PLA2G6: variants seen among roughly 807,000 people sequenced by gnomAD.
PLA2G6 encodes the protein phospholipase A2 group VI, also known as 85/88 kDa calcium-independent phospholipase A2.
PLA2G6 carries 62 observed loss-of-function variants against 83.8 expected under a neutral mutation model. The observed-to-expected ratio is 0.74, with a 90% CI of 0.60 to 0.91. PLA2G6 has a LOEUF of 0.91. Ranked by LOEUF, PLA2G6 falls within the 40% of genes least tolerant of loss-of-function variation. The pLI is 0.00. For synonymous variants in PLA2G6, 417 were observed against 449.8 expected, an observed-to-expected ratio of 0.93 and a Z score of 0.92; for missense variants, 944 against 1,102.0, an observed-to-expected ratio of 0.86 and a Z score of 2.03.
chr22:38,141,539 G>A (rs2088902209), intron 4 of PLA2G6: 1 of 152,172 alleles, frequency 6.6e-6, no homozygotes, highest in Non-Finnish European at 1.5e-5. Context: ...CGAGGCCAAT[G>A]TAAGGTCAAG....
intron 2 of PLA2G6, among the ~76,000 whole-genome samples, chr22:38,160,201 C>T (rs759458739): frequency 1.2e-4 from 19 of 152,060 alleles, no homozygotes; most frequent in Non-Finnish European, 2.4e-4. Context: ...ACTAGACACC[C>T]GACAGAATGA....
chr22:38,112,824 A>T (rs1340574084), intron 15 of PLA2G6: 1 of 591,482 alleles, frequency 1.7e-6, no homozygotes, highest in Non-Finnish European at 3.0e-6. Flanking sequence ...TGAGTGGGGG[A>T]AAGGGTAGCG....
chr22:38,174,698 G>T (rs1339278432), intron 1 of PLA2G6, among the ~76,000 whole-genome samples: 1 of 152,206 alleles, frequency 6.6e-6, no homozygotes, highest in East Asian at 1.9e-4. Flanking sequence ...GAACACGGAG[G>T]AAGGCAGAGA....
intron 12 of PLA2G6, among the ~76,000 whole-genome samples, chr22:38,118,749 TTTTG>T (rs1186410641): frequency 8.1e-6 from 1 of 123,520 alleles, no homozygotes; most frequent in African/African-American, 2.8e-5. Flanking sequence ...GTTTGTTTGT[TTTTG>T]TTTTTTTTTT....
intron 2 of PLA2G6, among the ~76,000 whole-genome samples, chr22:38,165,740 C>T (rs979445587): frequency 1.3e-5 from 2 of 152,020 alleles, no homozygotes; most frequent in South Asian, 2.1e-4. Context: ...ATTAACTGGG[C>T]GTGGTGGCGG....
Position 38,120,830 on chromosome 22 carries a change from C to T in PLA2G6, c.1671G>A (p.Ser557=), listed in dbSNP as rs747491292. Residue 557 remains serine, a synonymous_variant, in exon 12 of 17, where the codon TCG becomes TCA. Coordinates refer to ENST00000332509, the MANE Select transcript of PLA2G6 (RefSeq NM_003560.4). ...EVFRGSRPYE[S]GPLEEFLKRE... ...GCTTCAGGAACTCCTCCAGGGGCCCCGACTCGTAGGGCCTGGAGCCCCGGA... is the reference window on the plus strand; with the variant it reads ...GCTTCAGGAACTCCTCCAGGGGCCCTGACTCGTAGGGCCTGGAGCCCCGGA... 13 of 1,613,802 alleles carry T rather than the reference C, an allele frequency of 8.1e-6. No individual in the cohort carries two copies. The highest frequency in any genetic ancestry group is 1.3e-5 in the African/African-American group (1 of 74,940).
chr22:38,128,393 G>A lies in PLA2G6; in HGVS notation c.1224C>T (p.Thr408=), dbSNP rs1284512372. 6.2e-6 allele frequency: 10 copies of A among 1,614,076 alleles called. No homozygotes were observed. The highest frequency in any genetic ancestry group is 1.7e-5 in the Admixed American group (1 of 60,020). The stretch of plus-strand genomic sequence containing the variant: ...GTGGGAAGCAGTATTCGGCCCCCAC[G>A]GTTCTCAGCAGAGTCAAGATCGCCT... ...TRKAILTLLR[T]VGAEYCFPPI... The change falls in exon 9 of 17, where the codon ACC becomes ACT. Residue 408 remains threonine (T), a synonymous_variant. Coordinates refer to ENST00000332509, the MANE Select transcript of PLA2G6 (RefSeq NM_003560.4). This position sits in a 1 kb window ranked among gnomAD's most constrained non-coding sequence, Gnocchi z 4.4.
At position 38,151,487 on chromosome 22, in the gene PLA2G6, C is replaced by T. The variant is rs114597890; in HGVS notation, c.210-5834G>A. On this transcript the variant is annotated intron_variant, in intron 2 of 16. Coordinates refer to ENST00000332509, the MANE Select transcript of PLA2G6 (RefSeq NM_003560.4). ...AAATCCTGGGCTCAAGCGATCCTCC[C>T]GCCTAGGCTTCCCAAAGTGCTGGGA... 7.1e-3 allele frequency among the ~76,000 whole-genome samples: 1,080 copies of T among 152,212 alleles called. 7 individuals carry two copies. Among genetic ancestry groups the T allele is most frequent in the African/African-American group, 0.024 (1,012 of 41,526 alleles).
chr22:38,165,898 T>G (rs189115471), intron 2 of PLA2G6, among the ~76,000 whole-genome samples: 12 of 151,672 alleles, frequency 7.9e-5, no homozygotes, highest in Admixed American at 1.3e-4. Flanking sequence ...AAAATAAAAA[T>G]AAAAATAAAA....
chr22:38,151,790 G>T (rs148165220), intron 2 of PLA2G6, among the ~76,000 whole-genome samples: 8 of 152,354 alleles, frequency 5.3e-5, no homozygotes, highest in Non-Finnish European at 1.0e-4. Flanking sequence ...AATGGACCTT[G>T]AGTAAGGCAG....
chr22:38,126,307 G>C lies in PLA2G6; in HGVS notation c.1427+64C>G, dbSNP rs571667445. ...AGTAAAGCCCTGAGCCCACAACAGG[G>C]GGTGGGTGAGGGGCAGGAAAGCGCA... On this transcript the variant is annotated intron_variant, in intron 10 of 16. Coordinates refer to ENST00000332509, the MANE Select transcript of PLA2G6 (RefSeq NM_003560.4). 5 of 1,230,918 alleles carry C rather than the reference G, an allele frequency of 4.1e-6. No individual in the cohort carries two copies. In the East Asian group the frequency reaches 1.2e-4, roughly 29 times the overall value. 76.2% of individuals were successfully genotyped at this position (1,230,918 alleles called of 1,614,324 possible).
Position 38,126,412 on chromosome 22 carries a change from C to T in PLA2G6, c.1386G>A (p.Lys462=). 1 of 1,613,748 alleles carries T rather than the reference C, an allele frequency of 6.2e-7. No individual in the cohort carries two copies. Among genetic ancestry groups the T allele is most frequent in the Non-Finnish European group, 8.5e-7 (1 of 1,179,934 alleles). ...QDLMHISRAR[K]PAFILGSMRD... ...TCATGGAGCCCAGGATGAACGCTGG[C>T]TTCCGGGCCCGTGAGATGTGCATGA... The change falls in exon 10 of 17, where the codon AAG becomes AAA. Residue 462 remains lysine (K), a synonymous_variant. Coordinates refer to ENST00000332509, the MANE Select transcript of PLA2G6 (RefSeq NM_003560.4).
At chr22:38,112,334 C>T in intron 16 of PLA2G6, 29 bp from the exon 17 acceptor site, 1 of 1,610,680 alleles carries the variant, frequency 6.2e-7, no homozygotes, top group Non-Finnish European at 8.5e-7. Context: ...AGGGGGTCAC[C>T]CTAGGATGCT....
chr22:38,173,856 C>T (rs2090528378), intron 1 of PLA2G6, among the ~76,000 whole-genome samples: 1 of 151,806 alleles, frequency 6.6e-6, no homozygotes, highest in South Asian at 2.1e-4. Context: ...TTGAGACCAG[C>T]CTGGGGAACA....
intron 1 of PLA2G6, among the ~76,000 whole-genome samples, chr22:38,170,714 T>A (rs879457244): frequency 6.6e-6 from 1 of 151,782 alleles, no homozygotes; most frequent in Non-Finnish European, 1.5e-5. Context: ...AAGGACAGAG[T>A]ATGGGTGCCC....
intron 2 of PLA2G6, 53 bp from the exon 3 acceptor site, chr22:38,145,706 C>A: frequency 7.8e-7 from 1 of 1,277,410 alleles, no homozygotes; most frequent in Non-Finnish European, 1.1e-6. Flanking sequence ...GCGGGACCCT[C>A]GGCCCACATC....
chr22:38,126,772 C>T (rs11089865), intron 9 of PLA2G6: 10,185 of 397,356 alleles, frequency 0.026, 904 homozygotes, highest in African/African-American at 0.19. Context: ...CCTTGCGTGT[C>T]CTCTTCAGAC....
rs2145711638 is a variant in PLA2G6, at chr22:38,120,898, C to T, written c.1603G>A (p.Ala535Thr). 6.2e-7 allele frequency: 1 copy of T among 1,613,604 alleles called. No individual in the cohort carries two copies. The highest frequency in any genetic ancestry group is 2.2e-5 in the East Asian group (1 of 44,882). ...CGAAAGTACATGCCGCGCATGTAGG[C>T]CATGGACTTACCTAGGAACAAAGGG... is the stretch of plus-strand genomic sequence containing the variant. The part of the protein sequence containing the change: ...ALAILHSKSM[A>T]YMRGMYFRMK... Residue 535 changes from alanine (A) to threonine (T), a missense_variant, in exon 12 of 17, where the codon GCC (alanine) becomes ACC (threonine). Ala to Thr is a moderately conservative substitution (Grantham distance 58). Transcript: ENST00000332509.
chr22:38,177,543 AC>A (rs771600799), intron 1 of PLA2G6, among the ~76,000 whole-genome samples: 8 of 148,312 alleles, frequency 5.4e-5, no homozygotes, highest in Non-Finnish European at 1.0e-4. Context: ...GCTCACTGCA[AC>A]CTCTGCCTCC....
Sources: allele counts gnomAD v4.1 joint callset (sites outside exome capture counted in the v4.1 genomes callset), GRCh38; gene constraint gnomAD v4.1.1; non-coding constraint Gnocchi (gnomAD v3.1); transcripts MANE v1.5; gene names NCBI Gene and HGNC (gene_info 2026-07-23, HGNC 2026-07-21).